Variants in HHLA1 observed in about 807,000 individuals in gnomAD.
The protein encoded by HHLA1 is HERV-H LTR-associating protein 1.
Under a neutral mutation model 69.9 loss-of-function variants are expected in HHLA1, and 72 were observed. The observed-to-expected ratio is 1.03, with a 90% CI of 0.85 to 1.25. The LOEUF is 1.25. Among genes scored for constraint, HHLA1 ranks in the 50% most tolerant of loss-of-function variants. The probability of loss-of-function intolerance (pLI) is 0.00; values close to 1 mark genes in which losing one functional copy is unlikely to be tolerated. For missense variants in HHLA1, 685 were observed against 642.2 expected, an observed-to-expected ratio of 1.07 and a Z score of -0.72; for synonymous variants, 252 against 233.2, an observed-to-expected ratio of 1.08 and a Z score of -0.73.
intron 12 of HHLA1, among the ~76,000 whole-genome samples, chr8:132,077,468 A>C (rs577398423): frequency 6.6e-6 from 1 of 152,182 alleles, no homozygotes; most frequent in East Asian, 1.9e-4. Context: ...AACAGGGAAA[A>C]AGAGAAGAAA....
intron 1 of HHLA1, among the ~76,000 whole-genome samples, chr8:132,108,546 G>GC (rs992913970): frequency 1.3e-5 from 2 of 152,062 alleles, no homozygotes; most frequent in African/African-American, 4.8e-5. Context: ...CGTGACACTT[G>GC]CAGAAAAGCA....
chr8:132,073,532 G>A (rs2130878772), intron 14 of HHLA1, among the ~76,000 whole-genome samples: 1 of 152,242 alleles, frequency 6.6e-6, no homozygotes, highest in Admixed American at 6.5e-5. Flanking sequence ...GTAGACATCA[G>A]AAGTATACAG....
intron 14 of HHLA1, 68 bp downstream of exon 14, chr8:132,075,987 T>C: frequency 8.5e-7 from 1 of 1,175,456 alleles, no homozygotes; most frequent in Non-Finnish European, 1.2e-6. Flanking sequence ...AAACCTCTCC[T>C]TATTCTACTA....
chr8:132,105,350 C>G, intron 1 of HHLA1, 64 bp from the exon 2 acceptor site: 1 of 1,020,388 alleles, frequency 9.8e-7, no homozygotes, highest in Non-Finnish European at 1.5e-6. Context: ...CCTTTGAGAA[C>G]AGTGCGTGAG....
chr8:132,075,360 C>A (rs181444390), intron 14 of HHLA1, among the ~76,000 whole-genome samples: 36 of 152,290 alleles, frequency 2.4e-4, no homozygotes, highest in African/African-American at 8.4e-4. Flanking sequence ...GTATCCATTT[C>A]TTTCTTATGG....
chr8:132,073,654 T>C (rs1823586627), intron 14 of HHLA1, among the ~76,000 whole-genome samples: 1 of 152,206 alleles, frequency 6.6e-6, no homozygotes, highest in African/African-American at 2.4e-5. Context: ...CACACTTCAC[T>C]ACTTGAACAT....
intron 14 of HHLA1, among the ~76,000 whole-genome samples, chr8:132,071,940 G>T (rs6988376): frequency 6.6e-6 from 1 of 152,076 alleles, no homozygotes; most frequent in Non-Finnish European, 1.5e-5. Context: ...GCATGTGTGT[G>T]TATATGTATG....
intron 14 of HHLA1, among the ~76,000 whole-genome samples, chr8:132,072,060 A>G (rs1823555826): frequency 1.3e-5 from 2 of 152,102 alleles, no homozygotes; most frequent in African/African-American, 4.8e-5. Context: ...TTGAAAGATG[A>G]GACTGGCATG....
At chr8:132,093,002 C>T (rs1014872160) in intron 7 of HHLA1, among the ~76,000 whole-genome samples, 1 of 152,180 alleles carries the variant, frequency 6.6e-6, no homozygotes, top group African/African-American at 2.4e-5. Flanking sequence ...TTAACTTCTA[C>T]CTTCTTTAAA....
intron 3 of HHLA1, chr8:132,101,091 C>A: frequency 7.4e-7 from 1 of 1,358,670 alleles, no homozygotes; most frequent in Non-Finnish European, 9.6e-7. Flanking sequence ...GAAAAATGAC[C>A]ATTGCAACAA....
chr8:132,080,226 T>A (rs1283829318), intron 10 of HHLA1: 2 of 554,262 alleles, frequency 3.6e-6, no homozygotes, highest in Admixed American at 2.3e-5. Flanking sequence ...GCCTTATGGA[T>A]ACAACTAAAT....
chr8:132,099,463 G>A (rs1824079118), intron 4 of HHLA1, among the ~76,000 whole-genome samples: 1 of 151,958 alleles, frequency 6.6e-6, no homozygotes. Context: ...TCCAGGATGT[G>A]ACCCAGAATG....
At chr8:132,106,399 C>A (rs1298639345) in intron 1 of HHLA1, among the ~76,000 whole-genome samples, 1 of 152,174 alleles carries the variant, frequency 6.6e-6, no homozygotes, top group Admixed American at 6.5e-5. Context: ...ATGTGACTGG[C>A]ATTTGTTCTA....
chr8:132,078,445 A>T (rs904828721), intron 11 of HHLA1, among the ~76,000 whole-genome samples: 7 of 152,178 alleles, frequency 4.6e-5, no homozygotes, highest in Non-Finnish European at 1.0e-4. Flanking sequence ...AGTGTTAATA[A>T]TAACACCTGC....
intron 5 of HHLA1, among the ~76,000 whole-genome samples, chr8:132,096,835 G>A (rs115027138): frequency 1.3e-5 from 2 of 151,978 alleles, no homozygotes; most frequent in African/African-American, 4.8e-5. Context: ...TTTTAGACAG[G>A]GTCTTGCTCT....
chr8:132,071,425 GC>G lies in HHLA1; in HGVS notation c.1383del (p.Arg461SerfsTer6). 2 of 1,551,672 alleles carry G rather than the reference GC, an allele frequency of 1.3e-6. No homozygotes were observed. The highest frequency in any genetic ancestry group is 1.7e-6 in the Non-Finnish European group (2 of 1,146,932). On this transcript the variant is annotated frameshift_variant, in exon 15 of 17. Coordinates refer to ENST00000414222, the MANE Select transcript of HHLA1 (RefSeq NM_001145095.3). LOFTEE classifies it high-confidence loss of function. The stretch of plus-strand genomic sequence containing the variant: ...CACAGCTCCATCAGGCATGGGTTGA[GC>G]CTCTGAATAGCCAGGGTGAGAGGAG... ...AAAPLTLAIQ[R>X]LNPCLMELCQ...
Position 132,062,353 on chromosome 8 carries a change from A to G in HHLA1, c.*1642T>C, listed in dbSNP as rs1394003487. The stretch of plus-strand genomic sequence containing the variant: ...AAATGTCTGGCTGCTCCTCTCTCCA[A>G]TGTCCAAGTTCTACCTCCCCAGGCA... On this transcript the variant is annotated 3_prime_UTR_variant, in exon 17 of 17. Transcript: ENST00000414222. 6.6e-6 allele frequency: 1 copy of G among 152,200 alleles called. No homozygotes were observed. The highest frequency in any genetic ancestry group is 2.4e-5 in the African/African-American group (1 of 41,446). The allele number at this position is 152,200 out of a possible 1,614,324, so 9.4% of individuals were successfully genotyped here. A position where few individuals can be genotyped will look rare whatever the true frequency, so the allele number is the denominator to read the frequency against.
At position 132,098,980 on chromosome 8, in the gene HHLA1, A is replaced by C. The variant is rs1233990353; in HGVS notation, c.200-18T>G. The C allele has an allele frequency of 6.6e-7, 1 of 1,509,922 alleles. No homozygotes were observed. 93.5% of individuals were successfully genotyped at this position (1,509,922 alleles called of 1,614,324 possible). On this transcript the variant is annotated intron_variant, in intron 4 of 16. Transcript: ENST00000414222. The stretch of plus-strand genomic sequence containing the variant: ...GGGCAGCTCTGAAAGAGATTCAGAG[A>C]TAATGTCACTGGCAGGCTTTTCTCG...
rs6999832 is a variant in HHLA1, at chr8:132,104,466, G to A, written c.80-299C>T. On this transcript the variant is annotated intron_variant, in intron 2 of 16. Coordinates refer to ENST00000414222, the MANE Select transcript of HHLA1 (RefSeq NM_001145095.3). Reference sequence around the variant, plus strand: ...ATACCTTGAAGGGAACGGTGAGGGTGTGTAACAGGGGGCTGATCTAGTCTC... The same window carrying A: ...ATACCTTGAAGGGAACGGTGAGGGTATGTAACAGGGGGCTGATCTAGTCTC... 4.2e-3 allele frequency among the ~76,000 whole-genome samples: 643 copies of A among 152,326 alleles called. 7 individuals carry two copies. The highest frequency in any genetic ancestry group is 0.013 in the African/African-American group (561 of 41,570).
Sources: allele counts gnomAD v4.1 joint callset (sites outside exome capture counted in the v4.1 genomes callset), GRCh38; gene constraint gnomAD v4.1.1; transcripts MANE v1.5; gene names NCBI Gene and HGNC (gene_info 2026-07-23, HGNC 2026-07-21).